Variants in KCNU1 observed in about 807,000 individuals in gnomAD.
KCNU1 encodes the protein potassium channel subfamily U member 1.
KCNU1 carries 93 observed loss-of-function variants against 126.8 expected under a neutral mutation model. The ratio of observed to expected loss-of-function variants is 0.73; its 90% CI spans 0.62 to 0.87. The LOEUF is 0.87. KCNU1 is among the 40% of genes least tolerant of loss of function. KCNU1 has a pLI of 0.00. For synonymous variants in KCNU1, 523 were observed against 494.2 expected, an observed-to-expected ratio of 1.06 and a Z score of -0.77; for missense variants, 1,330 against 1,367.1, an observed-to-expected ratio of 0.97 and a Z score of 0.43.
At chr8:36,868,176 C>CG (rs1563305201) in intron 19 of KCNU1, among the ~76,000 whole-genome samples, 1 of 151,958 alleles carries the variant, frequency 6.6e-6, no homozygotes, top group Non-Finnish European at 1.5e-5. Context: ...ACTTACGTAC[C>CG]GTGTTAATGG....
At chr8:36,891,452 A>T (rs1248723047) in intron 19 of KCNU1, among the ~76,000 whole-genome samples, 2 of 152,006 alleles carry the variant, frequency 1.3e-5, no homozygotes, top group Non-Finnish European at 2.9e-5. Flanking sequence ...AAAAGGATGG[A>T]TGGATGGATG....
Position 36,806,295 on chromosome 8 carries a change from G to T in KCNU1, c.495G>T (p.Lys165Asn). The T allele has an allele frequency of 1.2e-6, 2 of 1,610,548 alleles. No individual in the cohort carries two copies. The highest frequency in any genetic ancestry group is 1.7e-6 in the Non-Finnish European group (2 of 1,178,254). ...TTATGGCAGCTGATGACAAGATCAA[G>T]TTCTGGCTGGAGATGAATTCAATCG... Reference protein sequence around the residue: ...LRFMAADDKIKFWLEMNSIVD... With the variant: ...LRFMAADDKINFWLEMNSIVD... Residue 165 changes from lysine (K) to asparagine (N), a missense_variant, in exon 5 of 27, where the codon AAG becomes AAT. Coordinates refer to ENST00000399881, the MANE Select transcript of KCNU1 (RefSeq NM_001031836.3).
At chr8:36,859,929 G>T (rs946230409) in intron 18 of KCNU1, among the ~76,000 whole-genome samples, 1 of 152,188 alleles carries the variant, frequency 6.6e-6, no homozygotes, top group African/African-American at 2.4e-5. Context: ...CTGGCCAATA[G>T]TAAGTTCTGC....
At chr8:36,847,931 G>A (rs1805208959) in intron 18 of KCNU1, among the ~76,000 whole-genome samples, 1 of 152,162 alleles carries the variant, frequency 6.6e-6, no homozygotes, top group Non-Finnish European at 1.5e-5. Context: ...TCTACCAACA[G>A]CGTATGAGTT....
At chr8:36,877,887 C>A (rs1165351615) in intron 19 of KCNU1, among the ~76,000 whole-genome samples, 1 of 152,122 alleles carries the variant, frequency 6.6e-6, no homozygotes, top group Non-Finnish European at 1.5e-5. Flanking sequence ...CTATATTCTA[C>A]CCTCTCACTT....
intron 24 of KCNU1, among the ~76,000 whole-genome samples, chr8:36,923,666 G>A (rs1241781607): frequency 6.6e-6 from 1 of 152,194 alleles, no homozygotes; most frequent in Non-Finnish European, 1.5e-5. Flanking sequence ...CTTGAACAAA[G>A]GAAAAGCAGA....
Position 36,893,920 on chromosome 8 carries a change from G to A in KCNU1, c.2010-11788G>A, listed in dbSNP as rs140477075. ...TCATCTTCCTATTAAACTTGTAATG[G>A]TCCCTTAACCTGGTTTAAGACCATC... is the stretch of plus-strand genomic sequence containing the variant. On this transcript the variant is annotated intron_variant, in intron 19 of 26. Coordinates refer to ENST00000399881, the MANE Select transcript of KCNU1 (RefSeq NM_001031836.3). Among the ~76,000 whole-genome samples, 246 of 152,040 alleles carry A rather than the reference G, an allele frequency of 1.6e-3. 1 individual carries two copies. The highest frequency in any genetic ancestry group is 5.4e-3 in the African/African-American group (225 of 41,492).
chr8:36,861,643 A>C (rs1395485723), intron 18 of KCNU1, among the ~76,000 whole-genome samples: 1 of 152,168 alleles, frequency 6.6e-6, no homozygotes, highest in Admixed American at 6.6e-5. Flanking sequence ...ATGAGTGGTA[A>C]AGTACTATAT....
chr8:36,840,912 C>T lies in KCNU1; in HGVS notation c.1632-20C>T. The T allele has an allele frequency of 2.5e-6, 4 of 1,586,420 alleles. No homozygotes were observed. Among genetic ancestry groups the T allele is most frequent in the Non-Finnish European group, 3.5e-6 (4 of 1,154,894 alleles). ...CACTGACCGCTTGCTCTCCTTTTGA[C>T]TCCTCGTCTTCCTTCCCAGGCTCTG... On this transcript the variant is annotated intron_variant, in intron 15 of 26. Coordinates refer to ENST00000399881, the MANE Select transcript of KCNU1 (RefSeq NM_001031836.3).
chr8:36,882,768 A>G (rs1472580630), intron 19 of KCNU1, among the ~76,000 whole-genome samples: 4 of 152,182 alleles, frequency 2.6e-5, no homozygotes, highest in African/African-American at 9.6e-5. Context: ...TTTTTAGTAG[A>G]GATGGGGTTT....
chr8:36,851,014 A>G (rs549103143), intron 18 of KCNU1, among the ~76,000 whole-genome samples: 2 of 152,200 alleles, frequency 1.3e-5, no homozygotes, highest in Non-Finnish European at 2.9e-5. Context: ...TGGGAACAAT[A>G]AGTCCTCCAA....
rs1298833769 is a variant in KCNU1, at chr8:36,784,510, A to T, written c.100A>T (p.Thr34Ser). The T allele has an allele frequency of 1.2e-6, 2 of 1,613,860 alleles. No individual in the cohort carries two copies. The highest frequency in any genetic ancestry group is 1.7e-6 in the Non-Finnish European group (2 of 1,179,780). Residue 34 changes from threonine to serine, a missense_variant, in exon 1 of 27, where the codon ACC becomes TCC. Around this residue, in one of 3 missense-constraint regions of KCNU1, gnomAD observed 247 missense variants for 255.4 expected, o/e 0.97. Coordinates refer to ENST00000399881, the MANE Select transcript of KCNU1 (RefSeq NM_001031836.3). Reference protein sequence around the residue: ...QAAFILSSFVTFFSGLIILLI... With the variant: ...QAAFILSSFVSFFSGLIILLI... ...AGCATTCATTCTCTCTTCCTTTGTG[A>T]CCTTCTTCAGTGGACTCATCATCCT... is the stretch of plus-strand genomic sequence containing the variant.
chr8:36,839,614 G>C (rs1804876802), intron 14 of KCNU1, among the ~76,000 whole-genome samples: 1 of 152,040 alleles, frequency 6.6e-6, no homozygotes, highest in Non-Finnish European at 1.5e-5. Context: ...TTTTTGTTTT[G>C]CTTTTTTTCC....
intron 18 of KCNU1, among the ~76,000 whole-genome samples, chr8:36,850,755 C>G (rs1188562277): frequency 6.6e-6 from 1 of 152,212 alleles, no homozygotes; most frequent in Non-Finnish European, 1.5e-5. Context: ...ATGTGCCCAG[C>G]CTCTATGATC....
At position 36,804,102 on chromosome 8, in the gene KCNU1, C is replaced by A; in HGVS notation, c.377+14C>A. Reference sequence around the variant, plus strand: ...CAATTCTGCTGAGTGAGTACAATGTCCAGTCACACTTGTCTGCTATATCAG... The same window carrying A: ...CAATTCTGCTGAGTGAGTACAATGTACAGTCACACTTGTCTGCTATATCAG... On this transcript the variant is annotated intron_variant, in intron 3 of 26. Transcript: ENST00000399881. 6.6e-7 allele frequency: 1 copy of A among 1,519,748 alleles called. No individual in the cohort carries two copies. Among genetic ancestry groups the A allele is most frequent in the Non-Finnish European group, 9.0e-7 (1 of 1,116,220 alleles). The allele number at this position is 1,519,748 out of a possible 1,614,324, so 94.1% of individuals were successfully genotyped here.
chr8:36,891,024 T>G (rs1383159467), intron 19 of KCNU1, among the ~76,000 whole-genome samples: 1 of 151,840 alleles, frequency 6.6e-6, no homozygotes, highest in Non-Finnish European at 1.5e-5. Flanking sequence ...ATTAGTGTAA[T>G]CTATTTATAC....
At chr8:36,921,395 T>A (rs10955006) in intron 23 of KCNU1, among the ~76,000 whole-genome samples, 51,955 of 151,972 alleles carry the variant, frequency 0.34, 9,619 homozygotes, top group Admixed American at 0.42. Context: ...ATGCTGTTCT[T>A]AAGACAAACG....
chr8:36,860,814 G>A (rs1381355781), intron 18 of KCNU1, among the ~76,000 whole-genome samples: 2 of 151,780 alleles, frequency 1.3e-5, no homozygotes, highest in Non-Finnish European at 2.9e-5. Flanking sequence ...AAAACAGTTA[G>A]GGACAGGAAA....
At chr8:36,933,397 T>C (rs1808759894) in intron 26 of KCNU1, among the ~76,000 whole-genome samples, 2 of 152,130 alleles carry the variant, frequency 1.3e-5, no homozygotes, top group Admixed American at 6.6e-5. Flanking sequence ...GATGTACTTG[T>C]TTTCTGCTGG....
Sources: allele counts gnomAD v4.1 joint callset (sites outside exome capture counted in the v4.1 genomes callset), GRCh38; gene constraint gnomAD v4.1.1; regional missense constraint gnomAD v4.1.1; transcripts MANE v1.5; gene names NCBI Gene and HGNC (gene_info 2026-07-23, HGNC 2026-07-21).